The following RIT2 variants were observed in gnomAD, a reference collection of about 807,000 sequenced individuals.
RIT2 encodes the protein Ras like without CAAX 2.
In RIT2, 24 loss-of-function variants were observed where a neutral mutation model predicts 23.7. The ratio of observed to expected loss-of-function variants is 1.01; its 90% CI spans 0.73 to 1.43. The LOEUF (loss-of-function observed/expected upper bound fraction) is 1.43, where lower values mean the gene tolerates loss of function less well. Ranked by LOEUF, RIT2 falls within the 40% of genes most tolerant of loss-of-function variation. The pLI is 0.00. For synonymous variants in RIT2, 107 were observed against 91.1 expected (o/e 1.17, Z -0.99); for missense variants, 236 against 266.9 (o/e 0.88, Z 0.81).
chr18:42,895,561 C>T (rs1908305293), intron 4 of RIT2, among the ~76,000 whole-genome samples: 2 of 152,174 alleles, frequency 1.3e-5, no homozygotes, highest in Admixed American at 1.3e-4. Context: ...TTACAGTACT[C>T]ATGGTCAACA....
chr18:42,996,568 C>A (rs2144235685), intron 2 of RIT2, among the ~76,000 whole-genome samples: 1 of 152,158 alleles, frequency 6.6e-6, no homozygotes, highest in South Asian at 2.1e-4. Context: ...CTTCTCCTGG[C>A]TCACCCTGGC....
chr18:42,910,531 C>T (rs186399975), intron 4 of RIT2, among the ~76,000 whole-genome samples: 4 of 152,142 alleles, frequency 2.6e-5, no homozygotes, highest in East Asian at 1.9e-4. Flanking sequence ...CTAATGTGTA[C>T]GTATATAAAC....
At chr18:43,018,453 A>G (rs1911522900) in intron 2 of RIT2, among the ~76,000 whole-genome samples, 1 of 152,048 alleles carries the variant, frequency 6.6e-6, no homozygotes, top group South Asian at 2.1e-4. Context: ...ATATAAAAAT[A>G]CATACCATTA....
At chr18:42,748,817 C>T (rs150874513) in intron 4 of RIT2, among the ~76,000 whole-genome samples, 65 of 151,912 alleles carry the variant, frequency 4.3e-4, no homozygotes, top group Non-Finnish European at 6.2e-4. Context: ...GTACACTACT[C>T]GGGTGATGAA....
intron 1 of RIT2, among the ~76,000 whole-genome samples, chr18:43,064,753 C>G (rs1912730804): frequency 6.6e-6 from 1 of 152,132 alleles, no homozygotes; most frequent in Admixed American, 6.5e-5. Context: ...CCAGACATCA[C>G]TTTACCTAAA....
intron 4 of RIT2, among the ~76,000 whole-genome samples, chr18:42,842,581 A>G (rs1395195318): frequency 2.0e-5 from 3 of 152,168 alleles, no homozygotes; most frequent in Non-Finnish European, 4.4e-5. Flanking sequence ...CAGAGCTAAG[A>G]CTTTAATAGG....
chr18:43,068,439 A>C (rs1912820001), intron 1 of RIT2, among the ~76,000 whole-genome samples: 1 of 152,064 alleles, frequency 6.6e-6, no homozygotes, highest in Admixed American at 6.6e-5. Context: ...AATAGCAGAA[A>C]CCCAGGGAAC....
intron 4 of RIT2, among the ~76,000 whole-genome samples, chr18:42,860,676 A>G (rs1907302579): frequency 6.6e-6 from 1 of 152,152 alleles, no homozygotes; most frequent in African/African-American, 2.4e-5. Context: ...AATTTCCATC[A>G]GTTTCTATGT....
At chr18:42,983,738 A>T (rs182700613) in intron 2 of RIT2, among the ~76,000 whole-genome samples, 1 of 152,242 alleles carries the variant, frequency 6.6e-6, no homozygotes, top group East Asian at 1.9e-4. Context: ...TATAGATGGC[A>T]AATAAGCACA....
intron 1 of RIT2, among the ~76,000 whole-genome samples, chr18:43,106,493 G>A (rs141273622): frequency 1.8e-3 from 266 of 151,668 alleles, no homozygotes; most frequent in Non-Finnish European, 2.6e-3. Flanking sequence ...TTTATTCGGC[G>A]TTCCATTGTA....
intron 3 of RIT2, among the ~76,000 whole-genome samples, chr18:42,969,550 G>C (rs928230647): frequency 6.6e-6 from 1 of 151,872 alleles, no homozygotes; most frequent in Non-Finnish European, 1.5e-5. Context: ...GAGTTGGTTA[G>C]GAACTAAACC....
chr18:42,823,390 CTTG>C (rs2143995872), intron 4 of RIT2, among the ~76,000 whole-genome samples: 1 of 152,252 alleles, frequency 6.6e-6, no homozygotes, highest in South Asian at 2.1e-4. Flanking sequence ...GGAAAATGAA[CTTG>C]TTATTTCCAT....
chr18:43,098,138 C>T (rs1329038315), intron 1 of RIT2, among the ~76,000 whole-genome samples: 4 of 152,058 alleles, frequency 2.6e-5, no homozygotes, highest in African/African-American at 4.8e-5. Context: ...AAGCTATAAC[C>T]TGGTTCCTTA....
chr18:42,994,205 C>T (rs1910923043), intron 2 of RIT2, among the ~76,000 whole-genome samples: 1 of 152,158 alleles, frequency 6.6e-6, no homozygotes, highest in Non-Finnish European at 1.5e-5. Context: ...CCTTGACACC[C>T]ACCAGGCTCA....
chr18:43,090,117 G>A (rs1344091474), intron 1 of RIT2, among the ~76,000 whole-genome samples: 3 of 151,852 alleles, frequency 2.0e-5, no homozygotes, highest in East Asian at 3.9e-4. Context: ...ACAAAATGGA[G>A]GAAAAATTTT....
chr18:43,006,732 A>C (rs962833518), intron 2 of RIT2, among the ~76,000 whole-genome samples: 1 of 151,620 alleles, frequency 6.6e-6, no homozygotes, highest in Non-Finnish European at 1.5e-5. Context: ...CCAAAATATT[A>C]ATAATAGTAA....
At chr18:42,769,868 AT>A (rs1913508575) in intron 4 of RIT2, among the ~76,000 whole-genome samples, 1 of 148,854 alleles carries the variant, frequency 6.7e-6, no homozygotes, top group African/African-American at 2.4e-5. Context: ...AATAATAATA[AT>A]AATAATAATA....
intron 2 of RIT2, among the ~76,000 whole-genome samples, chr18:43,014,754 G>A (rs9945641): frequency 0.95 from 144,749 of 151,646 alleles, 69,436 homozygotes; most frequent in East Asian, 1. Context: ...GTCCAAATAT[G>A]CCAGTAATTT....
At chr18:42,819,627 G>T (rs2143990128) in intron 4 of RIT2, among the ~76,000 whole-genome samples, 1 of 152,076 alleles carries the variant, frequency 6.6e-6, no homozygotes, top group Middle Eastern at 3.4e-3. Context: ...GTTATCCCCA[G>T]TTCTTAAAAG....
Sources: gnomAD v4.1 joint callset for allele counts (sites outside exome capture counted in the v4.1 genomes callset) on GRCh38, gnomAD v4.1.1 for gene constraint, MANE v1.5 for transcripts, NCBI Gene and HGNC (gene_info 2026-07-23, HGNC 2026-07-21) for gene names.